CDC14B: variants seen among roughly 807,000 people sequenced by gnomAD.
CDC14B encodes the protein dual specificity protein phosphatase CDC14B.
A neutral mutation model predicts 64.2 loss-of-function variants in CDC14B; 22 were observed. That is an observed-to-expected ratio of 0.34 (90% CI 0.24 to 0.49). The LOEUF (loss-of-function observed/expected upper bound fraction) is 0.49, where lower values mean the gene tolerates loss of function less well. Among genes scored for constraint, CDC14B ranks in the 20% least tolerant of loss-of-function variants. CDC14B has a pLI of 0.99. For synonymous variants in CDC14B, 191 were observed against 215.8 expected (o/e 0.89, Z 1.01); for missense variants, 498 against 629.9 (o/e 0.79, Z 2.24).
intron 13 of CDC14B, among the ~76,000 whole-genome samples, chr9:96,506,507 C>T (rs975278670): frequency 6.6e-6 from 1 of 152,172 alleles, no homozygotes; most frequent in African/African-American, 2.4e-5. Context: ...AAAGAAAGAA[C>T]CCACTTAGAG....
intron 11 of CDC14B, 147 bp from the exon 12 acceptor site, chr9:96,522,750 A>T: frequency 3.2e-6 from 2 of 615,874 alleles, no homozygotes; most frequent in Non-Finnish European, 2.9e-6. Context: ...GCTTCAGGTG[A>T]CATTTTAAGA....
At chr9:96,602,834 C>A (rs1208536053) in intron 1 of CDC14B, among the ~76,000 whole-genome samples, 2 of 152,034 alleles carry the variant, frequency 1.3e-5, no homozygotes, top group Non-Finnish European at 2.9e-5. Flanking sequence ...TCTCTGCGTT[C>A]TTTTTTTAAA....
At chr9:96,589,428 C>A (rs1027295962) in intron 1 of CDC14B, among the ~76,000 whole-genome samples, 3 of 152,064 alleles carry the variant, frequency 2.0e-5, no homozygotes, top group Admixed American at 2.0e-4. Flanking sequence ...CTTAATCACA[C>A]AGCCTAAATT....
chr9:96,518,243 G>A (rs1836051252), intron 12 of CDC14B, among the ~76,000 whole-genome samples: 2 of 152,100 alleles, frequency 1.3e-5, no homozygotes, highest in Admixed American at 6.6e-5. Flanking sequence ...CAGGCCAGGC[G>A]CAGTGGCTCA....
At chr9:96,525,470 C>A (rs966548851) in intron 9 of CDC14B, among the ~76,000 whole-genome samples, 1 of 151,918 alleles carries the variant, frequency 6.6e-6, no homozygotes, top group African/African-American at 2.4e-5. Context: ...GGAAGGCCTG[C>A]CTACTCCTTG....
intron 5 of CDC14B, among the ~76,000 whole-genome samples, chr9:96,550,611 T>C (rs1267678377): frequency 6.6e-6 from 1 of 152,178 alleles, no homozygotes. Context: ...TAAGCAATAG[T>C]TATTATTAAT....
intron 1 of CDC14B, chr9:96,566,963 C>T (rs900582935): frequency 2.7e-6 from 4 of 1,474,780 alleles, no homozygotes; most frequent in Non-Finnish European, 3.6e-6. Flanking sequence ...CTCGGCGGCC[C>T]AACGGCCTGA....
At chr9:96,573,352 TACTC>T (rs1369102894) in intron 1 of CDC14B, among the ~76,000 whole-genome samples, 1 of 151,924 alleles carries the variant, frequency 6.6e-6, no homozygotes, top group African/African-American at 2.4e-5. Context: ...GCAGATAAAC[TACTC>T]AAATAAATAA....
chr9:96,566,899 G>GT (rs1844077090), intron 1 of CDC14B: 26 of 1,549,100 alleles, frequency 1.7e-5, no homozygotes, highest in Non-Finnish European at 2.2e-5. Flanking sequence ...CACCCCCGAA[G>GT]TTTAAAAAAC....
chr9:96,500,297 A>G lies in CDC14B; in HGVS notation c.*3456T>C, dbSNP rs1271969680. ...TAAAAATACCTTCAGGAAAATAAACATTCATTCAACCAGTTCTCTTGGCTT... is the reference window on the plus strand; with the variant it reads ...TAAAAATACCTTCAGGAAAATAAACGTTCATTCAACCAGTTCTCTTGGCTT... On this transcript the variant is annotated 3_prime_UTR_variant, in exon 14 of 14. Coordinates refer to ENST00000375241, the MANE Select transcript of CDC14B (RefSeq NM_033331.4). 4 of 152,580 alleles carry G rather than the reference A, an allele frequency of 2.6e-5. No homozygotes were observed. Among genetic ancestry groups the G allele is most frequent in the African/African-American group, 9.6e-5 (4 of 41,456 alleles). 9.5% of individuals were successfully genotyped at this position (152,580 alleles called of 1,614,324 possible).
chr9:96,576,001 C>T (rs1471170557), intron 1 of CDC14B, among the ~76,000 whole-genome samples: 1 of 152,232 alleles, frequency 6.6e-6, no homozygotes, highest in Non-Finnish European at 1.5e-5. Context: ...ACAGGCTGGG[C>T]TTGGCGGCTC....
At chr9:96,524,761 T>C (rs930665109) in intron 9 of CDC14B, among the ~76,000 whole-genome samples, 2 of 152,164 alleles carry the variant, frequency 1.3e-5, no homozygotes, top group East Asian at 1.9e-4. Flanking sequence ...AACTCTCCCA[T>C]GTTTCCAGGC....
intron 1 of CDC14B, among the ~76,000 whole-genome samples, chr9:96,605,868 A>C (rs1490059572): frequency 1.3e-5 from 2 of 151,976 alleles, no homozygotes; most frequent in African/African-American, 2.4e-5. Context: ...CCTCAAAAAA[A>C]AAATTGTTTT....
chr9:96,584,951 T>G (rs1328916527), intron 1 of CDC14B, among the ~76,000 whole-genome samples: 1 of 152,210 alleles, frequency 6.6e-6, no homozygotes, highest in Non-Finnish European at 1.5e-5. Context: ...CCACCACGCC[T>G]GGCCAAGACT....
rs766981247 is a variant in CDC14B, at chr9:96,509,716, T to C, written c.1417A>G (p.Lys473Glu). 12 of 1,612,854 alleles carry C rather than the reference T, an allele frequency of 7.4e-6. 1 individual carries two copies. The highest frequency in any genetic ancestry group is 3.3e-5 in the Admixed American group (2 of 60,000). ...CTTGAAGCAGATCTGGTGGTTCTTT[T>C]AGTAATGCCTGCACTGCCAGAAATG... ...PNISGSAGIT[K>E]RTTRSASRKS... The change falls in exon 13 of 14, where the codon AAA becomes GAA. Residue 473 changes from lysine (K) to glutamate (E), a missense_variant. Transcript: ENST00000375241.
intron 5 of CDC14B, among the ~76,000 whole-genome samples, chr9:96,551,130 T>TTTTTTTTTTTTTA (rs1841767054): frequency 7.9e-6 from 1 of 127,134 alleles, no homozygotes; most frequent in African/African-American, 2.9e-5. Context: ...TTTTTTTTTT[T>TTTTTTTTTTTTTA]GAGACAAGTT....
At chr9:96,553,345 T>C (rs545814851) in intron 4 of CDC14B, among the ~76,000 whole-genome samples, 18 of 150,666 alleles carry the variant, frequency 1.2e-4, no homozygotes, top group African/African-American at 4.5e-4. Flanking sequence ...TGTTTCTGTT[T>C]CTTTCTTTTC....
intron 12 of CDC14B, among the ~76,000 whole-genome samples, chr9:96,520,363 AT>A (rs1836495676): frequency 1.3e-5 from 2 of 152,012 alleles, no homozygotes; most frequent in African/African-American, 4.8e-5. Context: ...GATTTTACTT[AT>A]TTATTTAGAC....
At chr9:96,582,530 A>T (rs1845216153) in intron 1 of CDC14B, among the ~76,000 whole-genome samples, 1 of 152,236 alleles carries the variant, frequency 6.6e-6, no homozygotes, top group Non-Finnish European at 1.5e-5. Context: ...GGTTCCAGTC[A>T]ATGGAAACTG....
Sources: allele counts gnomAD v4.1 joint callset (sites outside exome capture counted in the v4.1 genomes callset), GRCh38; gene constraint gnomAD v4.1.1; transcripts MANE v1.5; gene names NCBI Gene and HGNC (gene_info 2026-07-23, HGNC 2026-07-21).